ZBTB20: variants seen among roughly 807,000 people sequenced by gnomAD.
The protein encoded by ZBTB20 is zinc finger and BTB domain-containing protein 20.
Under a neutral mutation model 56.9 loss-of-function variants are expected in ZBTB20, and 9 were observed. The observed-to-expected ratio is 0.16, with a 90% CI of 0.10 to 0.28. The LOEUF is 0.28. Ranked by LOEUF, ZBTB20 falls within the 10% of genes least tolerant of loss-of-function variation. ZBTB20 has a pLI of 1.00. For synonymous variants in ZBTB20, 417 were observed against 420.7 expected (o/e 0.99, Z 0.11); for missense variants, 655 against 1,003.0 (o/e 0.65, Z 4.69).
intron 8 of ZBTB20, among the ~76,000 whole-genome samples, chr3:114,385,780 T>C (rs971591040): frequency 2.0e-5 from 3 of 152,194 alleles, no homozygotes; most frequent in South Asian, 2.1e-4. Context: ...GGCAGGAGAA[T>C]TGCTTGAACC....
chr3:114,449,909 T>A (rs771409260), intron 7 of ZBTB20, among the ~76,000 whole-genome samples: 4 of 152,200 alleles, frequency 2.6e-5, no homozygotes, highest in Non-Finnish European at 4.4e-5. Context: ...AATTTTCTAT[T>A]TCAGTGAAAT....
At chr3:114,636,177 C>T (rs996988020) in intron 6 of ZBTB20, among the ~76,000 whole-genome samples, 2 of 152,100 alleles carry the variant, frequency 1.3e-5, no homozygotes, top group South Asian at 4.1e-4. Context: ...ACCAAGAACG[C>T]TATACTCAGA....
At chr3:114,651,239 A>T (rs1049083369) in intron 6 of ZBTB20, among the ~76,000 whole-genome samples, 1 of 152,084 alleles carries the variant, frequency 6.6e-6, no homozygotes, top group African/African-American at 2.4e-5. Flanking sequence ...CTGCATTACA[A>T]TCAGACTTGG....
intron 6 of ZBTB20, among the ~76,000 whole-genome samples, chr3:114,654,188 A>G (rs1382940484): frequency 6.6e-6 from 1 of 151,772 alleles, no homozygotes; most frequent in African/African-American, 2.4e-5. Flanking sequence ...TAAAGTGGAA[A>G]CCTACGCTAT....
chr3:114,434,451 G>A (rs2090357168), intron 7 of ZBTB20, among the ~76,000 whole-genome samples: 1 of 151,462 alleles, frequency 6.6e-6, no homozygotes, highest in African/African-American at 2.4e-5. Context: ...TCTAGGTCTG[G>A]GTTCTTCCTA....
chr3:114,653,490 T>C (rs954023013), intron 6 of ZBTB20, among the ~76,000 whole-genome samples: 1 of 151,994 alleles, frequency 6.6e-6, no homozygotes, highest in Non-Finnish European at 1.5e-5. Flanking sequence ...TGAGGTATTA[T>C]ACTTTTTACT....
intron 1 of ZBTB20, among the ~76,000 whole-genome samples, chr3:115,143,036 G>A (rs1191219210): frequency 2.0e-5 from 3 of 152,180 alleles, no homozygotes; most frequent in Admixed American, 2.0e-4. Flanking sequence ...AGGAAAAACT[G>A]TTATTTGAGA....
chr3:114,546,975 T>C (rs550128467), intron 6 of ZBTB20, among the ~76,000 whole-genome samples: 1 of 152,108 alleles, frequency 6.6e-6, no homozygotes, highest in Admixed American at 6.6e-5. Context: ...TTGGCTAACA[T>C]AGAGAAAGCA....
At chr3:115,051,700 T>C (rs191575137) in intron 2 of ZBTB20, among the ~76,000 whole-genome samples, 42 of 152,320 alleles carry the variant, frequency 2.8e-4, no homozygotes, top group African/African-American at 8.9e-4. Flanking sequence ...CAAGTTCTTT[T>C]TCCAATTATC....
At chr3:114,997,582 A>G (rs949407104) in intron 2 of ZBTB20, among the ~76,000 whole-genome samples, 1 of 151,776 alleles carries the variant, frequency 6.6e-6, no homozygotes, top group African/African-American at 2.4e-5. Context: ...AAAATAGTGA[A>G]GGGCTTGAAC....
intron 5 of ZBTB20, among the ~76,000 whole-genome samples, chr3:114,745,891 G>A (rs1222533277): frequency 6.6e-6 from 1 of 152,130 alleles, no homozygotes; most frequent in East Asian, 1.9e-4. Flanking sequence ...CCAGGACAAG[G>A]AGGTCATTAA....
At chr3:114,896,561 C>T (rs1166099518) in intron 4 of ZBTB20, among the ~76,000 whole-genome samples, 2 of 151,976 alleles carry the variant, frequency 1.3e-5, no homozygotes. Flanking sequence ...ATGACAGAGA[C>T]AGACACTAAA....
At chr3:114,799,360 G>A (rs986297563) in intron 5 of ZBTB20, among the ~76,000 whole-genome samples, 3 of 151,796 alleles carry the variant, frequency 2.0e-5, no homozygotes, top group African/African-American at 7.3e-5. Flanking sequence ...TCTCACTTTG[G>A]TCAGGAAAAA....
At chr3:114,553,705 T>C (rs2942788) in intron 6 of ZBTB20, among the ~76,000 whole-genome samples, 36,155 of 152,036 alleles carry the variant, frequency 0.24, 5,939 homozygotes, top group African/African-American at 0.46. Context: ...GTAAAGTCTA[T>C]ACTTCTATAA....
intron 2 of ZBTB20, among the ~76,000 whole-genome samples, chr3:115,012,647 T>C (rs1258048810): frequency 2.0e-5 from 3 of 151,842 alleles, no homozygotes; most frequent in Non-Finnish European, 4.4e-5. Context: ...ACTTTCAGCA[T>C]TGGACAGATC....
intron 2 of ZBTB20, among the ~76,000 whole-genome samples, chr3:115,039,809 T>C (rs948095704): frequency 3.3e-5 from 5 of 152,016 alleles, no homozygotes; most frequent in African/African-American, 7.2e-5. Context: ...GTGGGGAGAA[T>C]GGGGACATGT....
intron 1 of ZBTB20, among the ~76,000 whole-genome samples, chr3:115,143,464 T>G (rs1038104237): frequency 9.9e-5 from 15 of 152,026 alleles, no homozygotes; most frequent in African/African-American, 3.4e-4. Context: ...GCCCAGGAGT[T>G]AAAGTACAGC....
chr3:115,043,327 G>A (rs1308167325), intron 2 of ZBTB20, among the ~76,000 whole-genome samples: 1 of 151,920 alleles, frequency 6.6e-6, no homozygotes, highest in African/African-American at 2.4e-5. Context: ...GGGAGGCCAA[G>A]GTGGGCGGAT....
chr3:114,860,505 C>T (rs190741695), intron 4 of ZBTB20, among the ~76,000 whole-genome samples: 71 of 152,118 alleles, frequency 4.7e-4, no homozygotes, highest in Non-Finnish European at 2.5e-4. Flanking sequence ...CCAGAACAAT[C>T]AGAGATTTCC....
Sources: allele counts gnomAD v4.1 joint callset (sites outside exome capture counted in the v4.1 genomes callset), GRCh38; gene constraint gnomAD v4.1.1; transcripts MANE v1.5; gene names NCBI Gene and HGNC (gene_info 2026-07-23, HGNC 2026-07-21).